GABRG3: variants seen among roughly 807,000 people sequenced by gnomAD.
GABRG3 encodes the protein gamma-aminobutyric acid receptor subunit gamma-3.
GABRG3 carries 25 observed loss-of-function variants against 48.8 expected under a neutral mutation model. That is an observed-to-expected ratio of 0.51 (90% CI 0.37 to 0.72). GABRG3 has a LOEUF of 0.72. Among genes scored for constraint, GABRG3 ranks in the 30% least tolerant of loss-of-function variants. The pLI, the probability that GABRG3 is intolerant of heterozygous loss-of-function variation, is 0.00. For missense variants in GABRG3, 394 were observed against 577.9 expected, an observed-to-expected ratio of 0.68 and a Z score of 3.26; for synonymous variants, 227 against 217.6, an observed-to-expected ratio of 1.04 and a Z score of -0.38.
At chr15:27,480,583 A>G in intron 5 of GABRG3, 67 bp from the exon 6 acceptor site, 1 of 1,388,868 alleles carries the variant, frequency 7.2e-7, no homozygotes, top group Non-Finnish European at 9.9e-7. Context: ...GATCAGAATT[A>G]TAATTTTCAC....
chr15:27,532,436 A>C (rs1238966971), intron 9 of GABRG3, among the ~76,000 whole-genome samples, 164 bp from the exon 10 acceptor site: 1 of 151,456 alleles, frequency 6.6e-6, no homozygotes, highest in Non-Finnish European at 1.5e-5. Flanking sequence ...CCAAAAAAAA[A>C]AAAAAAAAAA....
chr15:27,384,771 G>T (rs1895873865), intron 5 of GABRG3, among the ~76,000 whole-genome samples: 1 of 152,110 alleles, frequency 6.6e-6, no homozygotes, highest in South Asian at 2.1e-4. Context: ...CTCATAATAT[G>T]TATCAAAGTC....
chr15:27,413,130 T>C (rs1036734928), intron 5 of GABRG3, among the ~76,000 whole-genome samples: 1 of 152,166 alleles, frequency 6.6e-6, no homozygotes, highest in South Asian at 2.1e-4. Context: ...AGTAAGCCAA[T>C]AGATTATAAA....
At chr15:27,363,163 A>C (rs1895078289) in intron 5 of GABRG3, 1 of 152,122 alleles carries the variant, frequency 6.6e-6, no homozygotes, top group African/African-American at 2.4e-5. Flanking sequence ...CTCCTCCACA[A>C]ACACTGCAAA....
At chr15:27,507,540 A>T (rs1418284829) in intron 6 of GABRG3, among the ~76,000 whole-genome samples, 1 of 152,122 alleles carries the variant, frequency 6.6e-6, no homozygotes, top group Non-Finnish European at 1.5e-5. Context: ...ATAAATAAAC[A>T]AATAAATATG....
At chr15:27,529,831 G>A (rs1595814348) in intron 9 of GABRG3, among the ~76,000 whole-genome samples, 2 of 148,794 alleles carry the variant, frequency 1.3e-5, no homozygotes, top group African/African-American at 5.0e-5. Flanking sequence ...GCCAAAAGAA[G>A]AAAAAAAATC....
intron 5 of GABRG3, among the ~76,000 whole-genome samples, chr15:27,446,036 A>G (rs1266252896): frequency 6.6e-6 from 1 of 152,116 alleles, no homozygotes; most frequent in African/African-American, 2.4e-5. Context: ...CACTTTTTTA[A>G]TAACTCTAAC....
intron 5 of GABRG3, among the ~76,000 whole-genome samples, chr15:27,441,919 A>T (rs1254579786): frequency 6.6e-6 from 1 of 152,200 alleles, no homozygotes; most frequent in Non-Finnish European, 1.5e-5. Context: ...ACCAGCTGTG[A>T]ATGTTGGAGA....
At chr15:27,499,894 C>G (rs1339466695) in intron 6 of GABRG3, among the ~76,000 whole-genome samples, 1 of 152,198 alleles carries the variant, frequency 6.6e-6, no homozygotes, top group Non-Finnish European at 1.5e-5. Context: ...GAGGAGCTTG[C>G]CAGGCAAAGG....
rs964015996 is a variant in GABRG3, at chr15:26,971,737, C to G, written c.53+149C>G. 1.2e-5 allele frequency: 10 copies of G among 815,968 alleles called. No homozygotes were observed. The Admixed American group carries it at 4.0e-4, about 32-fold the overall frequency. The allele number at this position is 815,968 out of a possible 1,614,324, so 50.5% of individuals were successfully genotyped here. A position where few individuals can be genotyped will look rare whatever the true frequency, so the allele number is the denominator to read the frequency against. ...AGGGGACTGGGAAGTCGGTCTGCAC[C>G]TCACCTGTCCCAGCTCCCTTGGACA... On this transcript the variant is annotated intron_variant, in intron 1 of 9. Transcript: ENST00000615808.
intron 2 of GABRG3, among the ~76,000 whole-genome samples, chr15:26,982,577 T>C (rs1000300783): frequency 2.0e-5 from 3 of 152,228 alleles, no homozygotes; most frequent in Non-Finnish European, 4.4e-5. Context: ...GGTGCTGCCA[T>C]GTGCAATAGG....
chr15:27,535,026 G>C lies in GABRG3; in HGVS notation c.*2145G>C, dbSNP rs1891516795. The C allele has an allele frequency of 6.6e-6, 1 of 152,146 alleles. No individual in the cohort carries two copies. The highest frequency in any genetic ancestry group is 2.4e-5 in the African/African-American group (1 of 41,432). The allele number at this position is 152,146 out of a possible 1,614,324, so 9.4% of individuals were successfully genotyped here. ...CCTCTATTGGAGAATTTCACACTCT[G>C]GTACTCTAGTTCTGTCTCTCATGCA... On this transcript the variant is annotated 3_prime_UTR_variant, in exon 10 of 10. Coordinates refer to ENST00000615808, the MANE Select transcript of GABRG3 (RefSeq NM_033223.5).
intron 5 of GABRG3, among the ~76,000 whole-genome samples, chr15:27,449,611 A>G (rs1366981998): frequency 2.6e-5 from 4 of 152,216 alleles, no homozygotes; most frequent in African/African-American, 9.7e-5. Context: ...TAAAATAGTG[A>G]AAAACAAAAA....
chr15:27,030,125 A>G (rs568745646), intron 3 of GABRG3, among the ~76,000 whole-genome samples: 1 of 152,328 alleles, frequency 6.6e-6, no homozygotes, highest in Admixed American at 6.5e-5. Flanking sequence ...AGAATACAAG[A>G]TGAGAAGAAG....
chr15:27,308,276 T>C (rs1242996592), intron 3 of GABRG3, among the ~76,000 whole-genome samples: 3 of 129,762 alleles, frequency 2.3e-5, no homozygotes, highest in Non-Finnish European at 4.8e-5. Flanking sequence ...AAACATAATA[T>C]AAACATACGT....
intron 3 of GABRG3, among the ~76,000 whole-genome samples, chr15:27,269,135 C>A (rs1359808536): frequency 6.6e-6 from 1 of 152,158 alleles, no homozygotes; most frequent in Non-Finnish European, 1.5e-5. Context: ...TGCCTCTCAG[C>A]TGGACTACTG....
chr15:27,093,223 G>T (rs1201052078), intron 3 of GABRG3, among the ~76,000 whole-genome samples: 1 of 152,122 alleles, frequency 6.6e-6, no homozygotes, highest in East Asian at 1.9e-4. Flanking sequence ...GTGAGGTGGA[G>T]GCAGGAGAGC....
At chr15:27,136,132 C>A (rs1898004456) in intron 3 of GABRG3, among the ~76,000 whole-genome samples, 1 of 152,054 alleles carries the variant, frequency 6.6e-6, no homozygotes, top group South Asian at 2.1e-4. Flanking sequence ...CCTTTGAGCT[C>A]CAGCATGCCT....
chr15:27,413,306 C>T (rs959995724), intron 5 of GABRG3, among the ~76,000 whole-genome samples: 1 of 151,986 alleles, frequency 6.6e-6, no homozygotes, highest in African/African-American at 2.4e-5. Context: ...TCAAATTTGC[C>T]ATTATTTAAG....
Sources: gnomAD v4.1 joint callset for allele counts (sites outside exome capture counted in the v4.1 genomes callset) on GRCh38, gnomAD v4.1.1 for gene constraint, MANE v1.5 for transcripts, NCBI Gene and HGNC (gene_info 2026-07-23, HGNC 2026-07-21) for gene names.